ABCC4: variants seen among roughly 807,000 people sequenced by gnomAD.
ABCC4 encodes ATP-binding cassette sub-family C member 4.
ABCC4 carries 102 observed loss-of-function variants against 168.5 expected under a neutral mutation model. The ratio of observed to expected loss-of-function variants is 0.61; its 90% CI spans 0.52 to 0.71. ABCC4 has a LOEUF of 0.71. Among genes scored for constraint, ABCC4 ranks in the 30% least tolerant of loss-of-function variants. The pLI, the probability that ABCC4 is intolerant of heterozygous loss-of-function variation, is 0.00. For missense variants in ABCC4, 1,402 were observed against 1,605.8 expected (o/e 0.87, Z 2.17); for synonymous variants, 617 against 590.7 (o/e 1.04, Z -0.65).
chr13:95,112,474 G>A (rs2035238574), intron 20 of ABCC4, among the ~76,000 whole-genome samples: 1 of 152,050 alleles, frequency 6.6e-6, no homozygotes, highest in African/African-American at 2.4e-5. Flanking sequence ...TGAATGTTCT[G>A]GTAAGTGTAG....
intron 1 of ABCC4, among the ~76,000 whole-genome samples, chr13:95,292,671 C>G (rs2041431117): frequency 6.6e-6 from 1 of 152,214 alleles, no homozygotes; most frequent in Non-Finnish European, 1.5e-5. Context: ...CATTTCCCCA[C>G]TGCCCAGTAT....
chr13:95,075,297 C>T lies in ABCC4; in HGVS notation c.2806+135G>A, dbSNP rs1294349954. 7 of 1,173,530 alleles carry T rather than the reference C, an allele frequency of 6.0e-6. No homozygotes were observed. The Admixed American group carries it at 6.4e-5, about 11-fold the overall frequency. The allele number at this position is 1,173,530 out of a possible 1,614,324, so 72.7% of individuals were successfully genotyped here. A position where few individuals can be genotyped will look rare whatever the true frequency, so the allele number is the denominator to read the frequency against. ...CAGAAGAAGGGGATGGGGAAGGAGACGAAGATGCGCAAAAAAAGCAGGATG... is the reference window on the plus strand; with the variant it reads ...CAGAAGAAGGGGATGGGGAAGGAGATGAAGATGCGCAAAAAAAGCAGGATG... On this transcript the variant is annotated intron_variant, in intron 22 of 30. Coordinates refer to ENST00000645237, the MANE Select transcript of ABCC4 (RefSeq NM_005845.5).
chr13:95,287,466 A>T (rs988892636), intron 1 of ABCC4, among the ~76,000 whole-genome samples: 1 of 151,526 alleles, frequency 6.6e-6, no homozygotes, highest in Admixed American at 6.6e-5. Flanking sequence ...AGGCACCTGT[A>T]ATCCCAGCTA....
intron 27 of ABCC4, among the ~76,000 whole-genome samples, chr13:95,049,133 A>C (rs1475504896): frequency 6.6e-6 from 1 of 151,920 alleles, no homozygotes; most frequent in African/African-American, 2.4e-5. Flanking sequence ...CAGGAGTTTG[A>C]GACCAGTGTG....
chr13:95,033,419 A>G (rs1397823232), intron 30 of ABCC4, among the ~76,000 whole-genome samples: 1 of 152,142 alleles, frequency 6.6e-6, no homozygotes, highest in East Asian at 1.9e-4. Flanking sequence ...CTCCATCAAT[A>G]CAACTCTCAC....
intron 11 of ABCC4, among the ~76,000 whole-genome samples, chr13:95,179,260 G>T (rs565815222): frequency 6.6e-6 from 1 of 152,208 alleles, no homozygotes; most frequent in South Asian, 2.1e-4. Flanking sequence ...TCTTCACAGT[G>T]ATGCTTAAGG....
At chr13:95,103,192 G>A (rs1287327362) in intron 20 of ABCC4, among the ~76,000 whole-genome samples, 1 of 152,110 alleles carries the variant, frequency 6.6e-6, no homozygotes, top group Non-Finnish European at 1.5e-5. Flanking sequence ...ATGAACCTGG[G>A]AGGCAGTGCT....
intron 19 of ABCC4, among the ~76,000 whole-genome samples, chr13:95,118,309 T>G (rs911212532): frequency 6.6e-6 from 1 of 151,830 alleles, no homozygotes; most frequent in Non-Finnish European, 1.5e-5. Context: ...CTGGAGGAGA[T>G]CTCAGCTCAC....
At chr13:95,232,229 G>A (rs910843303) in intron 4 of ABCC4, among the ~76,000 whole-genome samples, 6 of 151,944 alleles carry the variant, frequency 3.9e-5, no homozygotes, top group Admixed American at 2.6e-4. Context: ...TGAGGAATCC[G>A]GGCATACCTG....
At chr13:95,198,171 G>A (rs2038515195) in intron 8 of ABCC4, among the ~76,000 whole-genome samples, 1 of 152,074 alleles carries the variant, frequency 6.6e-6, no homozygotes, top group South Asian at 2.1e-4. Flanking sequence ...GAGTGAACAG[G>A]CAACCTACAG....
chr13:95,024,532 G>A (rs777387560), intron 30 of ABCC4, among the ~76,000 whole-genome samples: 5 of 152,270 alleles, frequency 3.3e-5, no homozygotes, highest in Non-Finnish European at 5.9e-5. Context: ...ACAAGCTCCC[G>A]CACGTGGACA....
intron 19 of ABCC4, among the ~76,000 whole-genome samples, chr13:95,140,888 C>T (rs2036297443): frequency 6.6e-6 from 1 of 152,224 alleles, no homozygotes; most frequent in South Asian, 2.1e-4. Context: ...CTATATTGCA[C>T]AAGCTTTTCA....
intron 1 of ABCC4, among the ~76,000 whole-genome samples, chr13:95,298,814 C>T (rs1208768488): frequency 1.3e-5 from 2 of 152,108 alleles, no homozygotes; most frequent in Admixed American, 1.3e-4. Flanking sequence ...AACTTAACCA[C>T]TCTCAGCTTA....
At chr13:95,259,902 A>G (rs2040489178) in intron 1 of ABCC4, among the ~76,000 whole-genome samples, 1 of 151,432 alleles carries the variant, frequency 6.6e-6, no homozygotes, top group South Asian at 2.1e-4. Context: ...CAGGCTATGC[A>G]CAGACTCTAC....
intron 1 of ABCC4, among the ~76,000 whole-genome samples, chr13:95,253,882 T>C (rs571867039): frequency 1.3e-4 from 20 of 152,220 alleles, no homozygotes; most frequent in African/African-American, 4.6e-4. Flanking sequence ...TGCAAATTTT[T>C]GTATAAAGTG....
intron 26 of ABCC4, among the ~76,000 whole-genome samples, chr13:95,058,281 C>T (rs1376600022): frequency 6.6e-6 from 1 of 152,088 alleles, no homozygotes; most frequent in Non-Finnish European, 1.5e-5. Flanking sequence ...GTTATGGCTT[C>T]TGGGAACCTT....
At chr13:95,146,143 G>A (rs754103943) in intron 19 of ABCC4, among the ~76,000 whole-genome samples, 3 of 151,438 alleles carry the variant, frequency 2.0e-5, no homozygotes, top group Non-Finnish European at 4.4e-5. Flanking sequence ...CCCCAGAGGC[G>A]GAAGTTGCAG....
Position 95,164,463 on chromosome 13 carries a change from C to T in ABCC4, c.2090G>A (p.Gly697Asp), listed in dbSNP as rs1331502362. 2.5e-6 allele frequency: 4 copies of T among 1,614,164 alleles called. No individual in the cohort carries two copies. The highest frequency in any genetic ancestry group is 3.4e-6 in the Non-Finnish European group (4 of 1,180,026). The change falls in exon 16 of 31, where the codon GGT becomes GAT. Residue 697 changes from glycine to aspartate, a missense_variant. Physicochemically the swap from Gly to Asp is moderately conservative, Grantham distance 94 (BLOSUM62 -1). This residue lies in a region of ABCC4 where 1,007 missense variants were observed against 1,127.3 expected (regional missense o/e 0.89). Transcript: ENST00000645237. ...GAAGTAATTCTTATAGGCCTGAAAA[C>T]CAACTTTTCCTTCAGAACGGTTCTC... ...SEENRSEGKV[G>D]FQAYKNYFRA...
chr13:95,223,393 G>C (rs1002362635), intron 4 of ABCC4, among the ~76,000 whole-genome samples: 1 of 125,394 alleles, frequency 8.0e-6, no homozygotes, highest in Non-Finnish European at 1.7e-5. Context: ...TGGATTTTAA[G>C]ATTTACAGAA....
Sources: allele counts gnomAD v4.1 joint callset (sites outside exome capture counted in the v4.1 genomes callset), GRCh38; gene constraint gnomAD v4.1.1; regional missense constraint gnomAD v4.1.1; transcripts MANE v1.5; gene names NCBI Gene and HGNC (gene_info 2026-07-23, HGNC 2026-07-21).